RBP5: variants seen among roughly 807,000 people sequenced by gnomAD.
The protein encoded by RBP5 is retinol binding protein 5.
In RBP5, 12 loss-of-function variants were observed where a neutral mutation model predicts 17.8. The observed-to-expected ratio is 0.67, with a 90% confidence interval of 0.43 to 1.09. RBP5 has a LOEUF of 1.09. Among genes scored for constraint, RBP5 ranks in the 50% least tolerant of loss-of-function variants. The pLI is 0.00. For synonymous variants in RBP5, 64 were observed against 68.1 expected (o/e 0.94, Z 0.30); for missense variants, 172 against 169.4 (o/e 1.02, Z -0.09).
downstream of RBP5, chr12:7,121,027 CAA>C (rs111568025): frequency 3.6e-4 from 33 of 91,914 alleles, no homozygotes; most frequent in East Asian, 5.2e-4. Context: ...GATTCTGTCT[CAA>C]AAAAAAAAAA....
Position 7,124,690 on chromosome 12 carries a change from T to C in RBP5, c.293A>G (p.Gln98Arg). Residue 98 changes from glutamine to arginine, a missense_variant, in exon 3 of 4, where the codon CAG (glutamine) becomes CGG (arginine). Transcript: ENST00000266560. The surrounding 1 kb of genome is among the most constrained non-coding windows in gnomAD (Gnocchi z 5.3). Reference sequence around the variant, plus strand: ...GCCCCGGTTGGGGACCTCCCCTTTCTGCACACACACCAGGTGCTCCTCCTC... The same window carrying C: ...GCCCCGGTTGGGGACCTCCCCTTTCCGCACACACACCAGGTGCTCCTCCTC... ...TWEEEHLVCV[Q>R]KGEVPNRGWR... 1 of 1,612,928 alleles carries C rather than the reference T, an allele frequency of 6.2e-7. No homozygotes were observed.
exon 4 of RBP5, chr12:7,115,837 G>T: frequency 6.6e-6 from 1 of 152,472 alleles, no homozygotes; most frequent in South Asian, 2.1e-4. Context: ...AGAAGGCGAA[G>T]GGGAAGCAAG....
Position 7,128,646 on chromosome 12 carries a change from CAGGAAGGAAGAGGGGAGAA to C in RBP5, c.73+38_73+56del. The C allele has an allele frequency of 1.4e-6, 2 of 1,456,012 alleles. No individual in the cohort carries two copies. Among genetic ancestry groups the C allele is most frequent in the South Asian group, 2.4e-5 (2 of 82,524 alleles). The allele number at this position is 1,456,012 out of a possible 1,614,324, so 90.2% of individuals were successfully genotyped here. A position where few individuals can be genotyped will look rare whatever the true frequency, so the allele number is the denominator to read the frequency against. On this transcript the variant is annotated intron_variant, in intron 1 of 3. Coordinates refer to ENST00000266560, the MANE Select transcript of RBP5 (RefSeq NM_031491.4). The surrounding 1 kb of genome is among the most constrained non-coding windows in gnomAD (Gnocchi z 5.3). ...CCCTCTTCTCCATGGGACCAAGAAGCAGGAAGGAAGAGGGGAGAAAGGGAGTGACAGGGGTCTGGGAGGG... is the reference window on the plus strand; with the variant it reads ...CCCTCTTCTCCATGGGACCAAGAAGCAGGGAGTGACAGGGGTCTGGGAGGG...
At chr12:7,120,735 G>A (rs945687290), downstream of RBP5, 2 of 154,726 alleles carry the variant, frequency 1.3e-5, no homozygotes, top group Non-Finnish European at 2.9e-5. Context: ...GGTTATGAAA[G>A]TGGCCTCACG....
At chr12:7,126,141 G>A (rs1939156936) in intron 2 of RBP5, among the ~76,000 whole-genome samples, 1 of 151,946 alleles carries the variant, frequency 6.6e-6, no homozygotes, top group African/African-American at 2.4e-5. Context: ...AATTAGGGTG[G>A]TGATAGAGAA....
chr12:7,128,636 GACCA>G lies in RBP5; in HGVS notation c.73+63_73+66del. ...CCCGGGCATTCCCTCTTCTCCATGG[GACCA>G]AGAAGCAGGAAGGAAGAGGGGAGAA... On this transcript the variant is annotated intron_variant, in intron 1 of 3. Coordinates refer to ENST00000266560, the MANE Select transcript of RBP5 (RefSeq NM_031491.4). The surrounding 1 kb of genome is among the most constrained non-coding windows in gnomAD (Gnocchi z 5.3). The G allele has an allele frequency of 7.0e-7, 1 of 1,422,510 alleles. No individual in the cohort carries two copies. Among genetic ancestry groups the G allele is most frequent in the Non-Finnish European group, 9.7e-7 (1 of 1,028,808 alleles). 88.1% of individuals were successfully genotyped at this position (1,422,510 alleles called of 1,614,324 possible).
At chr12:7,118,749 A>C (rs145317982), downstream of RBP5, 7 of 152,384 alleles carry the variant, frequency 4.6e-5, no homozygotes, top group East Asian at 1.4e-3. Flanking sequence ...ATGGAGGGGA[A>C]GCTGGAGCTC....
At chr12:7,125,784 T>C (rs771056435) in intron 2 of RBP5, among the ~76,000 whole-genome samples, 1 of 152,022 alleles carries the variant, frequency 6.6e-6, no homozygotes, top group Admixed American at 6.5e-5. Context: ...AATTGAAGAG[T>C]TGATTCACAG....
downstream of RBP5, chr12:7,120,885 G>A (rs1423790629): frequency 2.6e-5 from 4 of 152,068 alleles, no homozygotes; most frequent in Non-Finnish European, 5.9e-5. Flanking sequence ...AAAATTACGT[G>A]GGCCTGGTGG....
rs2135786400 is a variant in RBP5, at chr12:7,128,261, G to A, written c.231C>T (p.Ser77=). The change falls in exon 2 of 4, where the codon AGC becomes AGT. Residue 77 remains serine (S), a synonymous_variant. Coordinates refer to ENST00000266560, the MANE Select transcript of RBP5 (RefSeq NM_031491.4). This position sits in a 1 kb window ranked among gnomAD's most constrained non-coding sequence, Gnocchi z 5.3. ...GTACCTGGCATTTTCGTCCGTCCAC[G>A]CTCCTGAGGTCCTCCTCAAACTCCA... ...VGVEFEEDLR[S]VDGRKCQTIV... 3 of 1,613,292 alleles carry A rather than the reference G, an allele frequency of 1.9e-6. No homozygotes were observed. The highest frequency in any genetic ancestry group is 2.2e-5 in the South Asian group (2 of 91,018).
chr12:7,129,918 A>G (rs1939246835), upstream of RBP5: 1 of 567,306 alleles, frequency 1.8e-6, no homozygotes, highest in African/African-American at 2.0e-5. The surrounding 1 kb of genome is among the most constrained non-coding windows in gnomAD (Gnocchi z 5.5). Flanking sequence ...GCTTCCTCGC[A>G]GCCCTGGGCT....
chr12:7,124,522 A>G lies in RBP5; in HGVS notation c.354+107T>C. 1 of 712,538 alleles carries G rather than the reference A, an allele frequency of 1.4e-6. No homozygotes were observed. Among genetic ancestry groups the G allele is most frequent in the Non-Finnish European group, 2.5e-6 (1 of 396,436 alleles). 44.1% of individuals were successfully genotyped at this position (712,538 alleles called of 1,614,324 possible). ...TCCCTGGTCAATTCCTTGGATAGGG[A>G]TTGGGGCTGGGCTGGGGGAAGAGTG... On this transcript the variant is annotated intron_variant, in intron 3 of 3. Coordinates refer to ENST00000266560, the MANE Select transcript of RBP5 (RefSeq NM_031491.4). The surrounding 1 kb of genome is among the most constrained non-coding windows in gnomAD (Gnocchi z 5.3).
intron 2 of RBP5, among the ~76,000 whole-genome samples, chr12:7,125,872 G>A (rs968274133): frequency 6.6e-6 from 1 of 152,104 alleles, no homozygotes; most frequent in African/African-American, 2.4e-5. Context: ...AAGTCAGAGA[G>A]TGACATGATC....
At chr12:7,121,974 C>T (rs1939087538), downstream of RBP5, 2 of 154,688 alleles carry the variant, frequency 1.3e-5, no homozygotes, top group Middle Eastern at 1.1e-3. Context: ...TTTCTCCACT[C>T]ACATCTTGGT....
At position 7,124,770 on chromosome 12, in the gene RBP5, G is replaced by C; in HGVS notation, c.253-40C>G. 8.1e-7 allele frequency: 1 copy of C among 1,240,768 alleles called. No individual in the cohort carries two copies. Among genetic ancestry groups the C allele is most frequent in the South Asian group, 1.2e-5 (1 of 83,000 alleles). 76.9% of individuals were successfully genotyped at this position (1,240,768 alleles called of 1,614,324 possible). Reference sequence around the variant, plus strand: ...GGGAGTAAAGAAAGATTAGGAGGCAGGACACTCAAAATGCTTCCCATCTCA... The same window carrying C: ...GGGAGTAAAGAAAGATTAGGAGGCACGACACTCAAAATGCTTCCCATCTCA... On this transcript the variant is annotated intron_variant, in intron 2 of 3. Coordinates refer to ENST00000266560, the MANE Select transcript of RBP5 (RefSeq NM_031491.4). This position sits in a 1 kb window ranked among gnomAD's most constrained non-coding sequence, Gnocchi z 5.3.
chr12:7,124,104 T>A lies in RBP5; in HGVS notation c.*17A>T. 6.2e-7 allele frequency: 1 copy of A among 1,612,640 alleles called. No individual in the cohort carries two copies. Among genetic ancestry groups the A allele is most frequent in the Non-Finnish European group, 8.5e-7 (1 of 1,178,768 alleles). On this transcript the variant is annotated 3_prime_UTR_variant, in exon 4 of 4. Transcript: ENST00000266560. This position sits in a 1 kb window ranked among gnomAD's most constrained non-coding sequence, Gnocchi z 5.3. ...TGTGAGCTGGTGCTGTCTGGAGGGA[T>A]CTTGGCTCCTCTCCGGCTATCTGAC...
intron 2 of RBP5, among the ~76,000 whole-genome samples, chr12:7,125,393 G>A (rs1474081291): frequency 3.3e-5 from 5 of 152,288 alleles, no homozygotes; most frequent in Admixed American, 2.6e-4. Flanking sequence ...GAGATTGGTT[G>A]GGAATCCTAC....
In RBP5 at chr12:7,128,383, G is replaced by A; in HGVS notation, c.109C>T (p.Leu37=). Reference sequence around the variant, plus strand: ...TGTTCGATCTCCTTGTCCGGCTTCAGCAGCAGCGCGATCTTCCGCACAGCC... The same window carrying A: ...TGTTCGATCTCCTTGTCCGGCTTCAACAGCAGCGCGATCTTCCGCACAGCC... ...SLAVRKIALL[L]KPDKEIEHQG... Residue 37 remains leucine (L), a synonymous_variant, in exon 2 of 4, where the codon CTG becomes TTG. Transcript: ENST00000266560. This position sits in a 1 kb window ranked among gnomAD's most constrained non-coding sequence, Gnocchi z 5.3. 5 of 1,614,220 alleles carry A rather than the reference G, an allele frequency of 3.1e-6. No homozygotes were observed. The highest frequency in any genetic ancestry group is 2.2e-5 in the East Asian group (1 of 44,888).
chr12:7,122,531 A>G (rs1180385285), downstream of RBP5: 2 of 152,236 alleles, frequency 1.3e-5, no homozygotes, highest in Admixed American at 6.5e-5. Context: ...AAAACCCACC[A>G]TGGGGGCCTA....
Sources: allele counts gnomAD v4.1 joint callset (sites outside exome capture counted in the v4.1 genomes callset), GRCh38; gene constraint gnomAD v4.1.1; non-coding constraint Gnocchi (gnomAD v3.1); transcripts MANE v1.5; gene names NCBI Gene and HGNC (gene_info 2026-07-23, HGNC 2026-07-21).